The following SPRY3 variants were observed in gnomAD, a reference collection of about 807,000 sequenced individuals.
The protein encoded by SPRY3 is protein sprouty homolog 3.
Under a neutral mutation model 20.2 loss-of-function variants are expected in SPRY3, and 15 were observed. The ratio of observed to expected loss-of-function variants is 0.74; its 90% confidence interval spans 0.50 to 1.14. SPRY3 has a LOEUF of 1.14. SPRY3 is among the 50% of genes most tolerant of loss of function. SPRY3 has a pLI of 0.00. For missense variants in SPRY3, 364 were observed against 363.9 expected, an observed-to-expected ratio of 1.00 and a Z score of 0.00; for synonymous variants, 143 against 136.5, an observed-to-expected ratio of 1.05 and a Z score of -0.33.
intron 2 of SPRY3, among the ~76,000 whole-genome samples, chrX:155,661,789 G>A (rs1257665342): frequency 9.0e-6 from 1 of 111,242 alleles, no homozygotes; most frequent in Non-Finnish European, 1.9e-5. Flanking sequence ...CTGTCTTCAA[G>A]CTCTGAAATT....
Position 155,738,439 on chromosome X carries a change from C to A in SPRY3, c.-281-29523C>A, listed in dbSNP as rs753866424. On this transcript the variant is annotated intron_variant, in intron 2 of 3. Coordinates refer to ENST00000675360, the Ensembl canonical transcript of SPRY3. The stretch of plus-strand genomic sequence containing the variant: ...AACAAATAGGACAGGCCAAGATGGT[C>A]GATTAGAAGCAGCTTCAGTCCATGG... 2.0e-5 allele frequency among the ~76,000 whole-genome samples: 3 copies of A among 152,186 alleles called. No homozygotes were observed. The East Asian group carries it at 5.8e-4, about 29-fold the overall frequency.
intron 2 of SPRY3, among the ~76,000 whole-genome samples, chrX:155,744,768 C>T (rs2091218321): frequency 6.6e-6 from 1 of 152,054 alleles, no homozygotes; most frequent in South Asian, 2.1e-4. Context: ...TGCTGCACCA[C>T]TCTTAGCAAA....
At chrX:155,695,848 C>G (rs142253543) in intron 2 of SPRY3, among the ~76,000 whole-genome samples, 1,297 of 110,568 alleles carry the variant, frequency 0.012, 20 homozygotes, top group African/African-American at 0.041. Context: ...CAATTCACTT[C>G]TAGTGTAATT....
intron 2 of SPRY3, among the ~76,000 whole-genome samples, chrX:155,695,803 C>T (rs747078864): frequency 9.0e-6 from 1 of 110,717 alleles, no homozygotes; most frequent in East Asian, 2.8e-4. Flanking sequence ...CCAAAATTTT[C>T]TTTTTTGTGT....
At chrX:155,684,831 A>G (rs2068083066) in intron 2 of SPRY3, among the ~76,000 whole-genome samples, 1 of 111,488 alleles carries the variant, frequency 9.0e-6, no homozygotes, top group Admixed American at 9.5e-5. Context: ...TCTTTTTCTG[A>G]ATCCTAAAAT....
chrX:155,686,906 G>A (rs989692470), intron 2 of SPRY3, among the ~76,000 whole-genome samples: 2 of 112,232 alleles, frequency 1.8e-5, no homozygotes, highest in African/African-American at 3.2e-5. Flanking sequence ...AAGAAGAAAC[G>A]GGATATTCTT....
At chrX:155,652,021 G>A (rs1400905663) in intron 1 of SPRY3, among the ~76,000 whole-genome samples, 1 of 111,322 alleles carries the variant, frequency 9.0e-6, no homozygotes, top group Non-Finnish European at 1.9e-5. Context: ...CGTCCTACAT[G>A]GCTGGAGCAG....
intron 1 of SPRY3, among the ~76,000 whole-genome samples, chrX:155,619,154 GT>G (rs1161991703): frequency 9.0e-6 from 1 of 111,006 alleles, no homozygotes; most frequent in Non-Finnish European, 1.9e-5. Context: ...AAGTTTTATA[GT>G]TTTGTGGCTT....
At chrX:155,618,306 T>C (rs1318763320) in intron 1 of SPRY3, among the ~76,000 whole-genome samples, 2 of 111,789 alleles carry the variant, frequency 1.8e-5, no homozygotes, top group Non-Finnish European at 3.8e-5. Context: ...GCTTTTTTTC[T>C]ACTCAGCTTA....
chrX:155,728,241 A>C (rs963635475), intron 2 of SPRY3, among the ~76,000 whole-genome samples: 1 of 152,158 alleles, frequency 6.6e-6, no homozygotes, highest in Non-Finnish European at 1.5e-5. Flanking sequence ...CCCTACTGGG[A>C]GGTGTCTCCT....
intron 3 of SPRY3, among the ~76,000 whole-genome samples, chrX:155,770,054 A>G (rs2091371521): frequency 6.6e-6 from 1 of 152,196 alleles, no homozygotes; most frequent in African/African-American, 2.4e-5. Flanking sequence ...AGGAGTGTAT[A>G]TAACAGCAGA....
chrX:155,719,900 CT>C (rs2091045519), intron 2 of SPRY3, among the ~76,000 whole-genome samples: 1 of 152,062 alleles, frequency 6.6e-6, no homozygotes, highest in Admixed American at 6.5e-5. Flanking sequence ...ACTCCTTCTG[CT>C]TGAGAAGAGC....
exon 4 of SPRY3, chrX:155,774,009 G>T (rs1169714168): frequency 1.2e-6 from 2 of 1,613,898 alleles, no homozygotes; most frequent in South Asian, 2.2e-5. Flanking sequence ...CCCTTATTGT[G>T]CAAACCCACA....
intron 2 of SPRY3, among the ~76,000 whole-genome samples, chrX:155,689,448 T>C (rs114420615): frequency 0.046 from 4,010 of 86,751 alleles, 1,104 homozygotes; most frequent in African/African-American, 0.21. Flanking sequence ...TCTTTGTACA[T>C]GTGATAGAAT....
intron 2 of SPRY3, among the ~76,000 whole-genome samples, chrX:155,667,008 T>A (rs1454944242): frequency 9.0e-6 from 1 of 110,948 alleles, no homozygotes; most frequent in Non-Finnish European, 1.9e-5. Context: ...GGTGGTCAAG[T>A]CTGTCAACTA....
At chrX:155,620,092 A>G (rs1357381152) in intron 1 of SPRY3, among the ~76,000 whole-genome samples, 1 of 112,064 alleles carries the variant, frequency 8.9e-6, no homozygotes, top group East Asian at 2.8e-4. Flanking sequence ...ATGGCAAAAT[A>G]AAATGGCACA....
intron 2 of SPRY3, among the ~76,000 whole-genome samples, chrX:155,714,179 T>C (rs1389763428): frequency 6.6e-6 from 1 of 152,208 alleles, no homozygotes; most frequent in African/African-American, 2.4e-5. Context: ...AGATATCTGT[T>C]TCTCCAGGAT....
chrX:155,752,056 G>A (rs1231839425), intron 2 of SPRY3, among the ~76,000 whole-genome samples: 2 of 151,328 alleles, frequency 1.3e-5, no homozygotes, highest in Admixed American at 6.6e-5. Flanking sequence ...ATTGAAAAAG[G>A]ACTTAAGTGT....
intron 2 of SPRY3, among the ~76,000 whole-genome samples, chrX:155,738,201 C>A (rs1445728946): frequency 6.6e-6 from 1 of 150,532 alleles, no homozygotes; most frequent in Non-Finnish European, 1.5e-5. Context: ...TAGACTTTAT[C>A]AAAATGAAAA....
Sources: allele counts gnomAD v4.1 joint callset (sites outside exome capture counted in the v4.1 genomes callset), GRCh38; gene constraint gnomAD v4.1.1; transcripts MANE v1.5; gene names NCBI Gene and HGNC (gene_info 2026-07-23, HGNC 2026-07-21).